Variants in MEIS2 observed in about 807,000 individuals in gnomAD.
MEIS2 encodes Meis homeobox 2.
Under a neutral mutation model 58.6 loss-of-function variants are expected in MEIS2, and 9 were observed. The observed-to-expected ratio is 0.15, with a 90% CI of 0.09 to 0.27. The LOEUF is 0.27. Among genes scored for constraint, MEIS2 ranks in the 10% least tolerant of loss-of-function variants. The probability of loss-of-function intolerance (pLI) is 1.00; values close to 1 mark genes in which losing one functional copy is unlikely to be tolerated. For synonymous variants in MEIS2, 221 were observed against 228.4 expected (o/e 0.97, Z 0.29); for missense variants, 427 against 635.0 (o/e 0.67, Z 3.52).
chr15:36,946,698 T>C (rs1156875280), intron 9 of MEIS2, among the ~76,000 whole-genome samples: 1 of 151,976 alleles, frequency 6.6e-6, no homozygotes, highest in African/African-American at 2.4e-5. Flanking sequence ...CCACTTAGCA[T>C]GCAGAGTTTC....
At chr15:36,991,771 CTTTTT>C (rs1204017425) in intron 8 of MEIS2, among the ~76,000 whole-genome samples, 1 of 108,628 alleles carries the variant, frequency 9.2e-6, no homozygotes, top group Non-Finnish European at 1.8e-5. Context: ...TGTTAATTTT[CTTTTT>C]TTTTTTCTTT....
intron 1 of MEIS2, 157 bp from the exon 2 acceptor site, chr15:37,098,356 G>A (rs1894590498): frequency 8.8e-7 from 1 of 1,130,836 alleles, no homozygotes; most frequent in Non-Finnish European, 1.1e-6. Context: ...GAAGAGAGGA[G>A]GAGGAGGAAA....
At position 36,952,239 on chromosome 15, in the gene MEIS2, G is replaced by A. The variant is rs531953361; in HGVS notation, c.901-1839C>T. On this transcript the variant is annotated intron_variant, in intron 8 of 11. Transcript: ENST00000561208. Reference sequence around the variant, plus strand: ...TTTTAATGGACTGAAAACACTGGTTGGGGTGGGAGGGGCGGTGGCAAAAAA... The same window carrying A: ...TTTTAATGGACTGAAAACACTGGTTAGGGTGGGAGGGGCGGTGGCAAAAAA... Among the ~76,000 whole-genome samples the A allele has an allele frequency of 2.1e-4, 32 of 151,924 alleles. No homozygotes were observed. The South Asian group carries it at 5.8e-3, about 28-fold the overall frequency.
At chr15:37,099,275 C>G in intron 1 of MEIS2, 180 bp downstream of exon 1, 2 of 1,467,258 alleles carry the variant, frequency 1.4e-6, no homozygotes, top group Non-Finnish European at 1.8e-6. Flanking sequence ...CACACTCGCA[C>G]ACACGCAGAG....
chr15:37,025,242 T>G (rs2061663123), intron 8 of MEIS2, among the ~76,000 whole-genome samples: 1 of 152,208 alleles, frequency 6.6e-6, no homozygotes, highest in Non-Finnish European at 1.5e-5. Flanking sequence ...TGCACAGTAT[T>G]TTGTCCTTCT....
At chr15:37,093,344 C>A (rs929860937) in intron 6 of MEIS2, among the ~76,000 whole-genome samples, 4 of 152,106 alleles carry the variant, frequency 2.6e-5, no homozygotes, top group African/African-American at 9.7e-5. Flanking sequence ...ATTAAGAGCA[C>A]AAATCACTCT....
chr15:36,951,461 AT>A (rs1483387426), intron 8 of MEIS2, among the ~76,000 whole-genome samples: 1 of 152,206 alleles, frequency 6.6e-6, no homozygotes, highest in Non-Finnish European at 1.5e-5. Flanking sequence ...AAAGTATTCC[AT>A]TCAGAATATT....
At chr15:36,981,053 T>C (rs1305780046) in intron 8 of MEIS2, among the ~76,000 whole-genome samples, 2 of 152,192 alleles carry the variant, frequency 1.3e-5, no homozygotes, top group African/African-American at 4.8e-5. Context: ...TTCTGATGTG[T>C]AGATTGAGAA....
At chr15:37,002,288 C>T (rs957859257) in intron 8 of MEIS2, among the ~76,000 whole-genome samples, 2 of 138,280 alleles carry the variant, frequency 1.4e-5, no homozygotes, top group Non-Finnish European at 3.1e-5. Flanking sequence ...CTTCAAAGTT[C>T]TCCCTCCTCC....
chr15:36,940,623 T>G (rs1320131775), intron 9 of MEIS2, among the ~76,000 whole-genome samples: 1 of 152,172 alleles, frequency 6.6e-6, no homozygotes, highest in African/African-American at 2.4e-5. Flanking sequence ...ATAACTCGGT[T>G]GACTAAATGT....
intron 9 of MEIS2, chr15:36,897,377 A>C (rs2056233947): frequency 6.6e-6 from 1 of 152,228 alleles, no homozygotes; most frequent in Non-Finnish European, 1.5e-5. Context: ...CCTCAGGTAC[A>C]CATGTTTGAT....
At chr15:37,101,165 A>AAG (rs1895071794), upstream of MEIS2, 1 of 151,986 alleles carries the variant, frequency 6.6e-6, no homozygotes, top group South Asian at 2.1e-4. Flanking sequence ...CCAGGACCAG[A>AAG]AGAGACCAGC....
intron 7 of MEIS2, among the ~76,000 whole-genome samples, chr15:37,073,262 G>C (rs902063561): frequency 6.6e-6 from 1 of 151,946 alleles, no homozygotes; most frequent in Non-Finnish European, 1.5e-5. Flanking sequence ...CTTGGAAGTG[G>C]CAGGGCAAAG....
chr15:37,049,525 C>G (rs988444605), intron 7 of MEIS2, among the ~76,000 whole-genome samples: 2 of 151,656 alleles, frequency 1.3e-5, no homozygotes, highest in Non-Finnish European at 2.9e-5. Flanking sequence ...CTCACTCTGT[C>G]TCCCAGGCCG....
intron 6 of MEIS2, among the ~76,000 whole-genome samples, chr15:37,085,112 GAAGTATACAAATTATACACCAATCA>G (rs1240273779): frequency 2.0e-5 from 3 of 151,570 alleles, no homozygotes; most frequent in Non-Finnish European, 2.9e-5. Context: ...TACACCAATC[GAAGTATACAAATTATACACCAATCA>G]AAGTATACAA....
At chr15:37,059,618 CCTT>C (rs1228082354) in intron 7 of MEIS2, among the ~76,000 whole-genome samples, 6 of 150,730 alleles carry the variant, frequency 4.0e-5, no homozygotes, top group Admixed American at 3.3e-4. Context: ...AAGTGTACTG[CCTT>C]CTTTTTTTTT....
chr15:37,012,035 A>G (rs1386938335), intron 8 of MEIS2, among the ~76,000 whole-genome samples: 2 of 152,180 alleles, frequency 1.3e-5, no homozygotes, highest in African/African-American at 4.8e-5. Context: ...CCTGTGTAGC[A>G]GTTTTTATTC....
intron 7 of MEIS2, among the ~76,000 whole-genome samples, chr15:37,074,391 A>AG (rs1410521510): frequency 6.6e-6 from 1 of 152,056 alleles, no homozygotes; most frequent in Non-Finnish European, 1.5e-5. Flanking sequence ...AAATCAAAAA[A>AG]ATTAAAAAGT....
At chr15:37,074,016 G>A (rs1891048104) in intron 7 of MEIS2, among the ~76,000 whole-genome samples, 1 of 151,864 alleles carries the variant, frequency 6.6e-6, no homozygotes, top group African/African-American at 2.4e-5. Context: ...AAATTATTTA[G>A]GTTTTTTTCT....
Sources: allele counts gnomAD v4.1 joint callset (sites outside exome capture counted in the v4.1 genomes callset), GRCh38; gene constraint gnomAD v4.1.1; transcripts MANE v1.5; gene names NCBI Gene and HGNC (gene_info 2026-07-23, HGNC 2026-07-21).